ARID1B: variants seen among roughly 807,000 people sequenced by gnomAD.
ARID1B encodes AT-rich interactive domain-containing protein 1B.
Under a neutral mutation model 212.3 loss-of-function variants are expected in ARID1B, and 30 were observed. The observed-to-expected ratio is 0.14, with a 90% CI of 0.11 to 0.19. The LOEUF (loss-of-function observed/expected upper bound fraction) is 0.19. ARID1B is among the 10% of genes least tolerant of loss of function. The pLI is 1.00. For synonymous variants in ARID1B, 1,402 were observed against 1,301.7 expected (o/e 1.08, Z -1.66); for missense variants, 2,891 against 3,204.0 (o/e 0.90, Z 2.36).
chr6:157,205,405 A>C (rs1178981983), intron 19 of ARID1B: 3 of 152,200 alleles, frequency 2.0e-5, no homozygotes, highest in African/African-American at 7.2e-5. Context: ...CTAATCGTGA[A>C]GTGTATTGGT....
intron 2 of ARID1B, among the ~76,000 whole-genome samples, chr6:156,875,962 A>G (rs115626941): frequency 2.0e-5 from 3 of 152,250 alleles, no homozygotes; most frequent in Non-Finnish European, 4.4e-5. Flanking sequence ...TGCAAATTCC[A>G]TTCCAGATTT....
intron 5 of ARID1B, among the ~76,000 whole-genome samples, chr6:157,096,984 T>A (rs1785686624): frequency 6.6e-6 from 1 of 152,240 alleles, no homozygotes; most frequent in Admixed American, 6.5e-5. Flanking sequence ...TTTATCCCCC[T>A]TAGATCCTGG....
At chr6:156,840,135 A>C (rs906185323) in intron 2 of ARID1B, among the ~76,000 whole-genome samples, 1 of 151,948 alleles carries the variant, frequency 6.6e-6, no homozygotes, top group African/African-American at 2.4e-5. Flanking sequence ...CTTCCTTCCC[A>C]CCGTCTGGGC....
intron 2 of ARID1B, among the ~76,000 whole-genome samples, chr6:156,893,481 C>G (rs374384758): frequency 6.6e-6 from 1 of 152,022 alleles, no homozygotes; most frequent in Non-Finnish European, 1.5e-5. Context: ...AGGAGACTAT[C>G]GAGAGAGTGA....
intron 2 of ARID1B, among the ~76,000 whole-genome samples, chr6:156,876,339 T>A (rs945729939): frequency 6.6e-6 from 1 of 152,166 alleles, no homozygotes; most frequent in Non-Finnish European, 1.5e-5. Context: ...GGATTTTAGG[T>A]TGAGTCCTGG....
intron 1 of ARID1B, among the ~76,000 whole-genome samples, chr6:156,786,770 A>G (rs1002851445): frequency 1.3e-5 from 2 of 152,248 alleles, no homozygotes; most frequent in Non-Finnish European, 2.9e-5. Context: ...CCAGAGACAG[A>G]CAATAGCTGG....
chr6:157,082,936 A>C (rs1784729537), intron 4 of ARID1B, among the ~76,000 whole-genome samples: 1 of 152,186 alleles, frequency 6.6e-6, no homozygotes, highest in Non-Finnish European at 1.5e-5. Context: ...ATACTTTAGA[A>C]TATGATTTTT....
intron 3 of ARID1B, among the ~76,000 whole-genome samples, chr6:156,907,656 A>G (rs1249428340): frequency 2.0e-5 from 3 of 151,756 alleles, no homozygotes; most frequent in African/African-American, 7.3e-5. Context: ...CTGTAATTCT[A>G]TCACTTTGGG....
chr6:157,104,946 T>TA (rs1314564665), intron 5 of ARID1B, among the ~76,000 whole-genome samples: 4 of 152,368 alleles, frequency 2.6e-5, no homozygotes, highest in African/African-American at 9.6e-5. Flanking sequence ...GCACTATTCT[T>TA]ACTGGACACT....
At position 157,181,087 on chromosome 6, in the gene ARID1B, C is replaced by G. The variant is rs2128317307; in HGVS notation, c.3623C>G (p.Ser1208Cys). The G allele has an allele frequency of 1.2e-6, 2 of 1,614,206 alleles. No homozygotes were observed. Among genetic ancestry groups the G allele is most frequent in the South Asian group, 2.2e-5 (2 of 91,084 alleles). ...RYLTFMEERG[S>C]PVSSLPAVGK... ...CTCACCTTCATGGAAGAGAGAGGCT[C>G]TCCTGTCTCAAGTCTGCCTGCCGTG... The change falls in exon 12 of 20, where the codon TCT becomes TGT. Residue 1208 changes from serine to cysteine, a missense_variant. Transcript: ENST00000636930.
At chr6:156,901,599 G>T (rs1788948116) in intron 3 of ARID1B, 74 bp downstream of exon 3, 2 of 1,488,714 alleles carry the variant, frequency 1.3e-6, no homozygotes. Context: ...TCATCTTCCT[G>T]TCCTTTATTA....
intron 3 of ARID1B, among the ~76,000 whole-genome samples, chr6:156,907,479 T>C (rs966349143): frequency 3.9e-5 from 6 of 152,216 alleles, no homozygotes; most frequent in African/African-American, 1.4e-4. Context: ...TCATGATATA[T>C]TGTCTTTTTT....
At chr6:157,170,164 C>G (rs138124270) in intron 9 of ARID1B, 1 of 152,198 alleles carries the variant, frequency 6.6e-6, no homozygotes, top group Non-Finnish European at 1.5e-5. Context: ...TTCATGCATG[C>G]AAGCTCAAGT....
chr6:157,036,054 G>A (rs1422641990), intron 4 of ARID1B, among the ~76,000 whole-genome samples: 2 of 152,050 alleles, frequency 1.3e-5, no homozygotes, highest in Middle Eastern at 3.2e-3. Flanking sequence ...CACCCACCCC[G>A]TCTTCCTCTT....
At chr6:157,054,728 A>T (rs975894284) in intron 4 of ARID1B, among the ~76,000 whole-genome samples, 4 of 152,216 alleles carry the variant, frequency 2.6e-5, no homozygotes, top group African/African-American at 9.7e-5. Flanking sequence ...ACTAGATGTC[A>T]CTGTTACAGG....
chr6:157,095,035 A>C (rs913493028), intron 5 of ARID1B, among the ~76,000 whole-genome samples: 7 of 152,204 alleles, frequency 4.6e-5, no homozygotes, highest in African/African-American at 1.4e-4. Context: ...ATCTGGACTC[A>C]GGCAGTATTT....
At position 156,866,761 on chromosome 6, in the gene ARID1B, ACTGT is replaced by A. The variant is rs757480729; in HGVS notation, c.1987-34608_1987-34605del. Among the ~76,000 whole-genome samples the A allele has an allele frequency of 3.9e-5, 6 of 152,230 alleles. No homozygotes were observed. In the South Asian group the frequency reaches 6.2e-4, roughly 16 times the overall value. On this transcript the variant is annotated intron_variant, in intron 2 of 19. Transcript: ENST00000636930. ...GTTAATATGTTCATGGCTGTGGGTTACTGTCTGTCTAATACATAAACAGAATTGT... is the reference window on the plus strand; with the variant it reads ...GTTAATATGTTCATGGCTGTGGGTTACTGTCTAATACATAAACAGAATTGT...
intron 6 of ARID1B, among the ~76,000 whole-genome samples, chr6:157,130,968 T>G (rs1331072185): frequency 2.0e-5 from 3 of 152,224 alleles, no homozygotes; most frequent in Non-Finnish European, 4.4e-5. Context: ...CAAATCTATC[T>G]TGATTTGGGG....
At chr6:156,855,529 C>G (rs907161736) in intron 2 of ARID1B, among the ~76,000 whole-genome samples, 9 of 152,196 alleles carry the variant, frequency 5.9e-5, no homozygotes, top group African/African-American at 2.2e-4. Flanking sequence ...GACAAAATAT[C>G]ACATATTTCA....
Sources: allele counts gnomAD v4.1 joint callset (sites outside exome capture counted in the v4.1 genomes callset), GRCh38; gene constraint gnomAD v4.1.1; transcripts MANE v1.5; gene names NCBI Gene and HGNC (gene_info 2026-07-23, HGNC 2026-07-21).